Variants in CHODL observed in about 807,000 individuals in gnomAD.
The protein encoded by CHODL is chondrolectin, also known as transmembrane protein MT75.
Under a neutral mutation model 34.5 loss-of-function variants are expected in CHODL, and 29 were observed. That is an observed-to-expected ratio of 0.84 (90% confidence interval 0.63 to 1.15). The LOEUF is 1.15. CHODL is among the 50% of genes most tolerant of loss of function. The pLI is 0.00. For synonymous variants in CHODL, 125 were observed against 116.1 expected (o/e 1.08, Z -0.49); for missense variants, 332 against 332.5 (o/e 1.00, Z 0.01).
chr21:18,019,970 T>A (rs2064112694), intron 1 of CHODL, among the ~76,000 whole-genome samples: 1 of 152,120 alleles, frequency 6.6e-6, no homozygotes, highest in Non-Finnish European at 1.5e-5. Flanking sequence ...GTCACATGGC[T>A]AAGCCCAAAC....
At chr21:18,242,143 G>T (rs779509197), upstream of CHODL, among the ~76,000 whole-genome samples, 1 of 151,938 alleles carries the variant, frequency 6.6e-6, no homozygotes, top group Non-Finnish European at 1.5e-5. Flanking sequence ...GTCTCTTCTC[G>T]CTTGCCCTAG....
chr21:18,220,247 A>G (rs2073869818), intron 2 of CHODL, among the ~76,000 whole-genome samples: 12 of 152,108 alleles, frequency 7.9e-5, no homozygotes, highest in Admixed American at 7.9e-4. Flanking sequence ...TTTCGTAGGT[A>G]GCATATAGTT....
chr21:18,103,448 T>G (rs1330131416), intron 2 of CHODL, among the ~76,000 whole-genome samples: 1 of 152,074 alleles, frequency 6.6e-6, no homozygotes, highest in Non-Finnish European at 1.5e-5. Context: ...GATTATATAC[T>G]GCCAAATAAA....
chr21:17,924,868 C>T (rs1809617900), intron 1 of CHODL, among the ~76,000 whole-genome samples: 2 of 152,150 alleles, frequency 1.3e-5, no homozygotes, highest in Admixed American at 1.3e-4. Context: ...TACCACAGAG[C>T]TTGTCCTTAT....
chr21:18,157,294 G>C (rs1481202468), intron 2 of CHODL, among the ~76,000 whole-genome samples: 1 of 152,040 alleles, frequency 6.6e-6, no homozygotes, highest in Non-Finnish European at 1.5e-5. Flanking sequence ...CCAATTGAGA[G>C]TATCTTCCTA....
intron 2 of CHODL, among the ~76,000 whole-genome samples, chr21:18,030,259 G>A (rs1240194913): frequency 6.6e-6 from 1 of 152,144 alleles, no homozygotes. Context: ...ATTTGGAAAC[G>A]ACCTTACAAA....
intron 2 of CHODL, among the ~76,000 whole-genome samples, chr21:18,238,188 T>C (rs866807491): frequency 6.6e-6 from 1 of 152,112 alleles, no homozygotes; most frequent in East Asian, 1.9e-4. Context: ...ACCAGAGTTC[T>C]AGTGGTCCTT....
intron 2 of CHODL, among the ~76,000 whole-genome samples, chr21:18,128,296 C>CAAAAAAAAAAAAAAAAAAAAAAAAAA (rs71189585): frequency 3.6e-5 from 1 of 28,058 alleles, no homozygotes; most frequent in Non-Finnish European, 6.2e-5. Flanking sequence ...GCAAGAGTCT[C>CAAAAAAAAAAAAAAAAAAAAAAAAAA]AAAAAAAAAA....
intron 2 of CHODL, among the ~76,000 whole-genome samples, chr21:18,124,126 T>G (rs2065513865): frequency 6.6e-6 from 1 of 152,196 alleles, no homozygotes; most frequent in African/African-American, 2.4e-5. Context: ...AGCCCTAGGC[T>G]GTTCACTCTA....
chr21:18,055,783 G>C (rs1383945738), intron 2 of CHODL, among the ~76,000 whole-genome samples: 11 of 152,052 alleles, frequency 7.2e-5, no homozygotes, highest in Non-Finnish European at 1.6e-4. Flanking sequence ...CTGGTCCACA[G>C]TGACAGAACA....
intron 2 of CHODL, among the ~76,000 whole-genome samples, chr21:18,162,756 C>T (rs550366356): frequency 1.3e-5 from 2 of 152,216 alleles, no homozygotes; most frequent in African/African-American, 2.4e-5. Context: ...TTTGCTATTA[C>T]ATTAATGCAA....
intron 2 of CHODL, among the ~76,000 whole-genome samples, chr21:18,179,563 T>C (rs2073356926): frequency 6.6e-6 from 1 of 152,148 alleles, no homozygotes; most frequent in Non-Finnish European, 1.5e-5. Context: ...AGAACAGCTT[T>C]TGGGGATAAG....
intron 2 of CHODL, among the ~76,000 whole-genome samples, chr21:18,197,103 C>G (rs543604906): frequency 4.6e-5 from 7 of 151,950 alleles, no homozygotes; most frequent in Admixed American, 3.9e-4. Context: ...ACATTTGACC[C>G]ATGAATTATG....
chr21:17,987,765 A>T (rs1350533592), intron 1 of CHODL, among the ~76,000 whole-genome samples: 1 of 152,216 alleles, frequency 6.6e-6, no homozygotes, highest in African/African-American at 2.4e-5. Context: ...GGGGAAACAT[A>T]CTATAGAATA....
intron 1 of CHODL, among the ~76,000 whole-genome samples, chr21:17,972,995 A>G (rs1192024206): frequency 2.0e-5 from 3 of 152,158 alleles, no homozygotes; most frequent in African/African-American, 7.2e-5. Flanking sequence ...CCACATATCT[A>G]CCACCATCTG....
At position 17,984,086 on chromosome 21, in the gene CHODL, C is replaced by T. The variant is rs567200971; in HGVS notation, c.-144-43786C>T. ...CCCACTGAACAATAATCCCCCATTTCTCCCTCTCCACAGCTCTTCTATGAT... is the reference window on the plus strand; with the variant it reads ...CCCACTGAACAATAATCCCCCATTTTTCCCTCTCCACAGCTCTTCTATGAT... On this transcript the variant is annotated intron_variant, in intron 1 of 6. Coordinates refer to the CHODL transcript ENST00000400127. 5.0e-4 allele frequency among the ~76,000 whole-genome samples: 76 copies of T among 152,324 alleles called. 1 individual carries two copies. Among genetic ancestry groups the T allele is most frequent in the Non-Finnish European group, 8.5e-4 (58 of 68,018 alleles).
chr21:17,943,116 CT>C (rs1365309269), intron 1 of CHODL, among the ~76,000 whole-genome samples: 2 of 152,092 alleles, frequency 1.3e-5, no homozygotes, highest in African/African-American at 4.8e-5. Flanking sequence ...TCATTTAGTT[CT>C]TTTTGGCAGT....
In CHODL at chr21:18,122,170, T is replaced by C. The variant is rs1277417317; in HGVS notation, c.-45+94199T>C. ...GTTCTAAAGGCCTAAGTGATTCCAG[T>C]TGAAATGATTATGCTTTTTCATTTT... On this transcript the variant is annotated intron_variant, in intron 2 of 6. Transcript: ENST00000400127. Among the ~76,000 whole-genome samples, 4 of 151,034 alleles carry C rather than the reference T, an allele frequency of 2.6e-5. No individual in the cohort carries two copies. The East Asian group carries it at 7.9e-4, about 30-fold the overall frequency.
intron 2 of CHODL, among the ~76,000 whole-genome samples, chr21:18,218,050 T>A (rs1291224924): frequency 1.3e-5 from 2 of 152,208 alleles, no homozygotes; most frequent in East Asian, 3.9e-4. Flanking sequence ...GCATTGAGTG[T>A]GGCTTTTCCA....
Sources: allele counts gnomAD v4.1 joint callset (sites outside exome capture counted in the v4.1 genomes callset), GRCh38; gene constraint gnomAD v4.1.1; transcripts MANE v1.5; gene names NCBI Gene and HGNC (gene_info 2026-07-23, HGNC 2026-07-21).